The following ADAMTS13 variants were observed in gnomAD, a reference collection of about 807,000 sequenced individuals.
The protein encoded by ADAMTS13 is ADAM metallopeptidase with thrombospondin type 1 motif 13, also known as A disintegrin and metalloproteinase with thrombospondin motifs 13.
A neutral mutation model predicts 155.1 loss-of-function variants in ADAMTS13; 110 were observed. The ratio of observed to expected loss-of-function variants is 0.71; its 90% CI spans 0.61 to 0.83. The LOEUF (loss-of-function observed/expected upper bound fraction) is 0.83. Ranked by LOEUF, ADAMTS13 falls within the 40% of genes least tolerant of loss-of-function variation. The pLI is 0.00. For missense variants in ADAMTS13, 1,707 were observed against 1,891.7 expected (o/e 0.90, Z 1.81); for synonymous variants, 758 against 756.4 (o/e 1.00, Z -0.03).
intron 1 of ADAMTS13, chr9:133,414,720 C>A: frequency 3.1e-6 from 5 of 1,614,132 alleles, no homozygotes; most frequent in Non-Finnish European, 4.2e-6. Flanking sequence ...TGCTCGATGT[C>A]CCCTCGTTCT....
At chr9:133,455,697 C>T (rs1403707424) in intron 25 of ADAMTS13, 7 of 1,511,184 alleles carry the variant, frequency 4.6e-6, no homozygotes, top group Non-Finnish European at 6.3e-6. Flanking sequence ...AGCACTTGGT[C>T]CCTGGGTTGT....
At chr9:133,442,353 C>G (rs1554791013) in intron 16 of ADAMTS13, 46 bp from the exon 17 acceptor site, 1 of 1,613,470 alleles carries the variant, frequency 6.2e-7, no homozygotes, top group Middle Eastern at 1.7e-4. Context: ...ATGACAGTGA[C>G]CCTCAGGGAA....
At chr9:133,414,499 C>A in exon 1 of ADAMTS13, 1 of 736,262 alleles carries the variant, frequency 1.4e-6, no homozygotes, top group Non-Finnish European at 2.4e-6. Context: ...CCTTATCATG[C>A]GCACACTCTA....
At chr9:133,418,004 T>C (rs1435123787), upstream of ADAMTS13, 4 of 653,342 alleles carry the variant, frequency 6.1e-6, no homozygotes, top group African/African-American at 7.4e-5. Context: ...CCGCACGCGT[T>C]GCGCATACCT....
rs781882928 is a variant in ADAMTS13, at chr9:133,456,630, C to T, written c.3635C>T (p.Thr1212Met). The T allele has an allele frequency of 1.3e-5, 21 of 1,611,842 alleles. No individual in the cohort carries two copies. Among genetic ancestry groups the T allele is most frequent in the Admixed American group, 1.0e-4 (6 of 59,750 alleles). ...LDMTFSSKTNTLVVRQRCGRP... is the reference protein window; with the variant it reads ...LDMTFSSKTNMLVVRQRCGRP... ...ATGACTTTCAGCTCCAAGACCAACA[C>T]GCTGGTGGTGAGGCAGCGCTGCGGG... The change falls in exon 27 of 29, where the codon ACG (threonine) becomes ATG (methionine). Residue 1212 changes from threonine to methionine, a missense_variant. Physicochemically the swap from Thr to Met is moderately conservative, Grantham distance 81. Coordinates refer to ENST00000355699, the MANE Select transcript of ADAMTS13 (RefSeq NM_139027.6). This position sits in a 1 kb window ranked among gnomAD's most constrained non-coding sequence, Gnocchi z 4.4.
rs782755326 is a variant in ADAMTS13, at chr9:133,455,351, G to A, written c.3316G>A (p.Ala1106Thr). 3.7e-6 allele frequency: 6 copies of A among 1,610,986 alleles called. No homozygotes were observed. The highest frequency in any genetic ancestry group is 5.1e-6 in the Non-Finnish European group (6 of 1,179,970). ...RDTCLGPQAQ[A>T]PVPADFCQHL... is the part of the protein sequence containing the mutation. Reference sequence around the variant, plus strand: ...CACCTGCCTCGGACCCCAGGCCCAGGCGCCTGTGCCAGCTGATTTCTGCCA... The same window carrying A: ...CACCTGCCTCGGACCCCAGGCCCAGACGCCTGTGCCAGCTGATTTCTGCCA... Residue 1106 changes from alanine (A) to threonine (T), a missense_variant, in exon 25 of 29, where the codon GCG becomes ACG. Ala to Thr is a moderately conservative substitution (Grantham distance 58, BLOSUM62 0). Around this residue, in one of 3 missense-constraint regions of ADAMTS13, gnomAD observed 961 missense variants for 1,107.9 expected, o/e 0.87. Coordinates refer to ENST00000355699, the MANE Select transcript of ADAMTS13 (RefSeq NM_139027.6).
upstream of ADAMTS13, among the ~76,000 whole-genome samples, chr9:133,418,971 G>C (rs981795771): frequency 5.3e-5 from 8 of 152,254 alleles, no homozygotes; most frequent in African/African-American, 1.9e-4. Flanking sequence ...CTCCTGAGTA[G>C]CTGGGACTAT....
At chr9:133,420,079 CT>C, upstream of ADAMTS13, among the ~76,000 whole-genome samples, 1 of 152,190 alleles carries the variant, frequency 6.6e-6, no homozygotes, top group South Asian at 2.1e-4. Context: ...TAATTTTGTA[CT>C]TTTAGTAGAG....
chr9:133,435,198 T>C (rs1554788609), intron 11 of ADAMTS13, among the ~76,000 whole-genome samples: 1 of 151,568 alleles, frequency 6.6e-6, no homozygotes, highest in African/African-American at 2.4e-5. Flanking sequence ...TTTCTTTTTT[T>C]TTTTTTTGAG....
chr9:133,437,930 G>A (rs1194041791), intron 13 of ADAMTS13, 33 bp downstream of exon 13: 1 of 1,612,406 alleles, frequency 6.2e-7, no homozygotes, highest in African/African-American at 1.3e-5. Context: ...GATGGCCCTG[G>A]GGCCTACCTG....
rs942835204 is a variant in ADAMTS13 at position 133,458,115 on chromosome 9, T to C, written c.3909+21T>C. The C allele has an allele frequency of 5.6e-6, 9 of 1,611,470 alleles. No homozygotes were observed. In the African/African-American group the frequency reaches 9.4e-5, roughly 17 times the overall value. ...TCTTGGTGAGGCCCAGCATGGGGAC[T>C]TGTGCTGTGATTCTGGACAGCTTTC... On this transcript the variant is annotated intron_variant, in intron 28 of 28. Transcript: ENST00000355699.
intron 11 of ADAMTS13, among the ~76,000 whole-genome samples, chr9:133,435,889 A>C (rs1362001286): frequency 6.6e-6 from 1 of 150,974 alleles, no homozygotes; most frequent in East Asian, 1.9e-4. Flanking sequence ...ACTGTTTCAC[A>C]TTCCCACCAG....
At chr9:133,458,548 T>C in intron 28 of ADAMTS13, among the ~76,000 whole-genome samples, 1 of 15,402 alleles carries the variant, frequency 6.5e-5, no homozygotes, top group Non-Finnish European at 2.0e-4. Flanking sequence ...AGAGTGAGAC[T>C]CTGTCTCAAA....
chr9:133,424,418 C>A lies in ADAMTS13; in HGVS notation c.270C>A (p.Pro90=), dbSNP rs756898709. 6.2e-7 allele frequency: 1 copy of A among 1,613,834 alleles called. No individual in the cohort carries two copies. The highest frequency in any genetic ancestry group is 8.5e-7 in the Non-Finnish European group (1 of 1,180,002). The stretch of plus-strand genomic sequence containing the variant: ...TGGAGCTGCTGGTGGCCGTGGGCCC[C>A]GATGTCTTCCAGGCTCACCAGGAGG... ...LHLELLVAVG[P]DVFQAHQEDT... Residue 90 remains proline, a synonymous_variant, in exon 3 of 29, where the codon CCC becomes CCA. Transcript: ENST00000355699. The surrounding 1 kb of genome is among the most constrained non-coding windows in gnomAD (Gnocchi z 4.3).
upstream of ADAMTS13, among the ~76,000 whole-genome samples, chr9:133,417,034 G>A (rs932035867): frequency 6.6e-6 from 1 of 152,198 alleles, no homozygotes. Flanking sequence ...TGTTTGAGAT[G>A]GAGTCTCGCT....
At chr9:133,418,230 G>T, upstream of ADAMTS13, 1 of 281,930 alleles carries the variant, frequency 3.5e-6, no homozygotes, top group South Asian at 4.3e-5. Flanking sequence ...AGATGCGAAC[G>T]CCGGAAGGGA....
Position 133,445,596 on chromosome 9 carries a change from G to T in ADAMTS13, c.2611-103G>T. 1 of 1,582,066 alleles carries T rather than the reference G, an allele frequency of 6.3e-7. No individual in the cohort carries two copies. ...GGGAGGGAGCCCCTGGTGCACACAC[G>T]CCACTTCCTGGTCTCTCTGCTGCTG... On this transcript the variant is annotated intron_variant, in intron 20 of 28. Coordinates refer to ENST00000355699, the MANE Select transcript of ADAMTS13 (RefSeq NM_139027.6). The surrounding 1 kb of genome is among the most constrained non-coding windows in gnomAD (Gnocchi z 5.0).
In ADAMTS13 at chr9:133,445,887, C is replaced by T; in HGVS notation, c.2731+68C>T. ...AACTCTCCTGTCCACTTGCATCTTGCCTCGTTCTGAAAAGCATTTGAGGTG... is the reference window on the plus strand; with the variant it reads ...AACTCTCCTGTCCACTTGCATCTTGTCTCGTTCTGAAAAGCATTTGAGGTG... On this transcript the variant is annotated intron_variant, in intron 21 of 28. Transcript: ENST00000355699. The surrounding 1 kb of genome is among the most constrained non-coding windows in gnomAD (Gnocchi z 5.0). The T allele has an allele frequency of 1.3e-6, 2 of 1,507,992 alleles. No homozygotes were observed. Among genetic ancestry groups the T allele is most frequent in the Non-Finnish European group, 1.8e-6 (2 of 1,127,950 alleles). The allele number at this position is 1,507,992 out of a possible 1,614,324, so 93.4% of individuals were successfully genotyped here.
In ADAMTS13 at chr9:133,426,969, AAT is replaced by A. The variant is rs1360728883; in HGVS notation, c.686+625_686+626del. Reference sequence around the variant, plus strand: ...CAGGCATGTGCCACCACGCCCAGCTAATTTTGTATTTTTAGTAGAGACAGGGT... The same window carrying A: ...CAGGCATGTGCCACCACGCCCAGCTATTTGTATTTTTAGTAGAGACAGGGT... On this transcript the variant is annotated intron_variant, in intron 6 of 28. Transcript: ENST00000355699. 2.6e-5 allele frequency among the ~76,000 whole-genome samples: 4 copies of A among 152,148 alleles called. No individual in the cohort carries two copies. The East Asian group carries it at 7.7e-4, about 29-fold the overall frequency.
Sources: allele counts gnomAD v4.1 joint callset (sites outside exome capture counted in the v4.1 genomes callset), GRCh38; gene constraint gnomAD v4.1.1; regional missense constraint gnomAD v4.1.1; non-coding constraint Gnocchi (gnomAD v3.1); transcripts MANE v1.5; gene names NCBI Gene and HGNC (gene_info 2026-07-23, HGNC 2026-07-21).